STON2: variants seen among roughly 807,000 people sequenced by gnomAD.
The protein encoded by STON2 is stonin-2.
Under a neutral mutation model 65.7 loss-of-function variants are expected in STON2, and 29 were observed. That is an observed-to-expected ratio of 0.44 (90% CI 0.33 to 0.60). The LOEUF (loss-of-function observed/expected upper bound fraction) is 0.60, where lower values mean the gene tolerates loss of function less well. Ranked by LOEUF, STON2 falls within the 20% of genes least tolerant of loss-of-function variation. STON2 has a pLI of 0.03. For missense variants in STON2, 1,054 were observed against 1,118.1 expected, an observed-to-expected ratio of 0.94 and a Z score of 0.82; for synonymous variants, 404 against 414.2, an observed-to-expected ratio of 0.98 and a Z score of 0.30.
At chr14:81,404,984 T>C (rs1900776656), upstream of STON2, among the ~76,000 whole-genome samples, 1 of 152,238 alleles carries the variant, frequency 6.6e-6, no homozygotes, top group African/African-American at 2.4e-5. Context: ...TTATATAATG[T>C]GTCTTCTTTC....
chr14:81,270,455 C>CT (rs1207800362), intron 7 of STON2: 1 of 1,474,894 alleles, frequency 6.8e-7, no homozygotes, highest in African/African-American at 1.4e-5. Flanking sequence ...TGATGAGCCT[C>CT]TTTATTTTTT....
intron 3 of STON2, among the ~76,000 whole-genome samples, chr14:81,383,709 T>C (rs1026113709): frequency 6.6e-6 from 1 of 152,290 alleles, no homozygotes; most frequent in Admixed American, 6.5e-5. Flanking sequence ...CTACCTGGTC[T>C]CCTTGCCTCC....
intron 4 of STON2, among the ~76,000 whole-genome samples, chr14:81,338,128 G>A (rs1199052559): frequency 1.3e-5 from 2 of 152,042 alleles, no homozygotes; most frequent in Non-Finnish European, 2.9e-5. Context: ...GAATTTCTTG[G>A]GTGAAAGGAG....
intron 5 of STON2, among the ~76,000 whole-genome samples, chr14:81,305,966 C>T (rs1039732298): frequency 6.6e-6 from 1 of 151,984 alleles, no homozygotes; most frequent in Non-Finnish European, 1.5e-5. Flanking sequence ...TCAGCAAAAA[C>T]CAGCTATAAC....
chr14:81,265,162 TG>T lies in STON2; in HGVS notation c.*3251del. The T allele has an allele frequency of 1.0e-6, 1 of 982,728 alleles. No individual in the cohort carries two copies. The highest frequency in any genetic ancestry group is 5.2e-4 in the Middle Eastern group (1 of 1,912). The allele number at this position is 982,728 out of a possible 1,614,324, so 60.9% of individuals were successfully genotyped here. On this transcript the variant is annotated 3_prime_UTR_variant, in exon 8 of 8. Transcript: ENST00000614646. ...AGGTAATTTGCCCAACTGTTTTCTA[TG>T]TAGGTTATTACATAGCTAATTTGCC...
At position 81,267,622 on chromosome 14, in the gene STON2, C is replaced by A; in HGVS notation, c.*792G>T. On this transcript the variant is annotated 3_prime_UTR_variant, in exon 8 of 8. Coordinates refer to ENST00000614646, the MANE Select transcript of STON2 (RefSeq NM_001394390.1). Reference sequence around the variant, plus strand: ...TGAATCTACCTCTTGAACTGAACATCATCTTATATTTAATGTCTCTTTTCT... The same window carrying A: ...TGAATCTACCTCTTGAACTGAACATAATCTTATATTTAATGTCTCTTTTCT... 1.0e-6 allele frequency: 1 copy of A among 985,324 alleles called. No homozygotes were observed. Among genetic ancestry groups the A allele is most frequent in the Non-Finnish European group, 1.2e-6 (1 of 829,876 alleles). 61.0% of individuals were successfully genotyped at this position (985,324 alleles called of 1,614,324 possible).
At chr14:81,432,437 G>T (rs1221852737) in intron 1 of STON2, among the ~76,000 whole-genome samples, 1 of 152,180 alleles carries the variant, frequency 6.6e-6, no homozygotes, top group Non-Finnish European at 1.5e-5. Flanking sequence ...TGGCACAGAT[G>T]TTTAATTATG....
At chr14:81,396,723 C>T (rs1191176560) in intron 2 of STON2, among the ~76,000 whole-genome samples, 1 of 150,200 alleles carries the variant, frequency 6.7e-6, no homozygotes, top group Admixed American at 6.6e-5. Flanking sequence ...ACTTGATTGG[C>T]CCCAGAAAAT....
In STON2 at chr14:81,262,803, A is replaced by G. The variant is rs1234734336; in HGVS notation, c.*5611T>C. The G allele has an allele frequency of 1.0e-6, 1 of 985,270 alleles. No individual in the cohort carries two copies. Among genetic ancestry groups the G allele is most frequent in the Non-Finnish European group, 1.2e-6 (1 of 829,878 alleles). The allele number at this position is 985,270 out of a possible 1,614,324, so 61.0% of individuals were successfully genotyped here. On this transcript the variant is annotated 3_prime_UTR_variant, in exon 8 of 8. Transcript: ENST00000614646. ...CTCACATTCTTGTTCTAGTTAATAC[A>G]TGGGAGAATATTACTAATACATACA...
intron 4 of STON2, among the ~76,000 whole-genome samples, chr14:81,334,830 A>C (rs1897316090): frequency 6.6e-6 from 1 of 151,916 alleles, no homozygotes; most frequent in Non-Finnish European, 1.5e-5. Context: ...AATGATTTTT[A>C]CCAATTTTAT....
At position 81,277,546 on chromosome 14, in the gene STON2, G is replaced by C. The variant is rs201451787; in HGVS notation, c.1936C>G (p.Gln646Glu). 1.9e-4 allele frequency: 309 copies of C among 1,614,168 alleles called. 2 individuals carry two copies. The South Asian group carries it at 2.9e-3, about 15-fold the overall frequency. ...FSGIVSKGDN[Q>E]ILQHHVLTRI... Reference sequence around the variant, plus strand: ...GTCAAGACATGGTGCTGGAGAATCTGGTTGTCTCCTTTGCTCACAATGCCA... The same window carrying C: ...GTCAAGACATGGTGCTGGAGAATCTCGTTGTCTCCTTTGCTCACAATGCCA... The change falls in exon 6 of 8, where the codon CAG becomes GAG. Residue 646 changes from glutamine to glutamate, a missense_variant. Physicochemically the swap from Gln to Glu is conservative, Grantham distance 29. Coordinates refer to ENST00000614646, the MANE Select transcript of STON2 (RefSeq NM_001394390.1).
At chr14:81,394,126 G>C (rs1205014993) in intron 3 of STON2, among the ~76,000 whole-genome samples, 1 of 152,068 alleles carries the variant, frequency 6.6e-6, no homozygotes, top group Non-Finnish European at 1.5e-5. Context: ...CAGGGGCAGA[G>C]GTTGCAGTGA....
chr14:81,403,295 A>G (rs529570790), upstream of STON2, among the ~76,000 whole-genome samples: 13 of 152,344 alleles, frequency 8.5e-5, no homozygotes, highest in East Asian at 2.1e-3. Context: ...GCTTGGCTCA[A>G]CAAGCATTTA....
chr14:81,268,669 T>G, intron 7 of STON2, 172 bp from the exon 8 acceptor site: 1 of 982,912 alleles, frequency 1.0e-6, no homozygotes, highest in African/African-American at 1.7e-5. Context: ...TCTCTCTCTT[T>G]GCACATGTTC....
chr14:81,431,436 G>A lies in STON2; in HGVS notation c.-309-4224C>T, dbSNP rs1464570565. Reference sequence around the variant, plus strand: ...GCGGATCACTTGCGGTCAGGAGTTCGAGACCAGCCTGGCCAACATAGTAAA... The same window carrying A: ...GCGGATCACTTGCGGTCAGGAGTTCAAGACCAGCCTGGCCAACATAGTAAA... On this transcript the variant is annotated intron_variant, in intron 1 of 8. Transcript: ENST00000553821. Among the ~76,000 whole-genome samples, 6 of 152,042 alleles carry A rather than the reference G, an allele frequency of 3.9e-5. No homozygotes were observed. In the East Asian group the frequency reaches 5.8e-4, roughly 15 times the overall value.
At chr14:81,269,545 C>CA in intron 7 of STON2, 1 of 985,378 alleles carries the variant, frequency 1.0e-6, no homozygotes, top group Non-Finnish European at 1.2e-6. Flanking sequence ...GCTTGACCTA[C>CA]AGGGTAATGA....
chr14:81,361,695 G>A lies in STON2; in HGVS notation c.571+9293C>T, dbSNP rs567292949. ...TTTGTACAACAAAGGAAACAACAGA[G>A]TGAAGAGACAAATTATGAATTTGGA... On this transcript the variant is annotated intron_variant, in intron 4 of 7. Transcript: ENST00000614646. 4.6e-5 allele frequency among the ~76,000 whole-genome samples: 7 copies of A among 152,044 alleles called. No individual in the cohort carries two copies. The South Asian group carries it at 1.5e-3, about 32-fold the overall frequency.
intron 5 of STON2, among the ~76,000 whole-genome samples, chr14:81,285,162 A>G (rs1222262557): frequency 6.6e-6 from 1 of 152,238 alleles, no homozygotes; most frequent in Non-Finnish European, 1.5e-5. Flanking sequence ...GTGATTTTCA[A>G]GTCTTCTTAT....
intron 5 of STON2, among the ~76,000 whole-genome samples, chr14:81,315,262 G>C (rs549415777): frequency 6.6e-6 from 1 of 152,288 alleles, no homozygotes; most frequent in Admixed American, 6.5e-5. Flanking sequence ...TTAGAAGACA[G>C]AAAAAGATGC....
Sources: allele counts gnomAD v4.1 joint callset (sites outside exome capture counted in the v4.1 genomes callset), GRCh38; gene constraint gnomAD v4.1.1; transcripts MANE v1.5; gene names NCBI Gene and HGNC (gene_info 2026-07-23, HGNC 2026-07-21).